RNF19A: variants seen among roughly 807,000 people sequenced by gnomAD.
RNF19A encodes ring finger protein 19A, RBR E3 ubiquitin protein ligase.
In RNF19A, 32 loss-of-function variants were observed where a neutral mutation model predicts 75.7. The ratio of observed to expected loss-of-function variants is 0.42; its 90% CI spans 0.32 to 0.57. The LOEUF is 0.57. Ranked by LOEUF, RNF19A falls within the 20% of genes least tolerant of loss-of-function variation. The probability of loss-of-function intolerance (pLI) is 0.10; values close to 1 mark genes in which losing one functional copy is unlikely to be tolerated. For missense variants in RNF19A, 782 were observed against 1,036.3 expected (o/e 0.75, Z 3.37); for synonymous variants, 335 against 345.2 (o/e 0.97, Z 0.33).
chr8:100,298,421 T>C (rs74385784), intron 1 of RNF19A, among the ~76,000 whole-genome samples: 4,292 of 152,280 alleles, frequency 0.028, 212 homozygotes, highest in African/African-American at 0.095. Flanking sequence ...TTCAACTACT[T>C]ATAAATGAGG....
intron 1 of RNF19A, among the ~76,000 whole-genome samples, chr8:100,335,925 A>G (rs1822676483): frequency 6.6e-6 from 1 of 152,250 alleles, no homozygotes; most frequent in Non-Finnish European, 1.5e-5. Flanking sequence ...GCTATCCTAT[A>G]GGTTGGCCGC....
At chr8:100,267,109 G>C (rs1486717513) in intron 5 of RNF19A, among the ~76,000 whole-genome samples, 2 of 152,112 alleles carry the variant, frequency 1.3e-5, no homozygotes, top group Admixed American at 1.3e-4. Flanking sequence ...CAACAGAATG[G>C]ATTGCTTCAT....
chr8:100,271,644 CAT>C lies in RNF19A; in HGVS notation c.884-1633_884-1632del, dbSNP rs376603364. Among the ~76,000 whole-genome samples the C allele has an allele frequency of 8.5e-5, 13 of 152,284 alleles. No individual in the cohort carries two copies. The East Asian group carries it at 2.5e-3, about 29-fold the overall frequency. On this transcript the variant is annotated intron_variant, in intron 3 of 9. Coordinates refer to ENST00000341084, the MANE Select transcript of RNF19A (RefSeq NM_183419.4). ...AGCCTTTTAATATGCTAAAATCACA[CAT>C]GAGAATTAATACCACAAGCAATGTA... is the stretch of plus-strand genomic sequence containing the variant.
rs1308352457 is a variant in RNF19A, at chr8:100,332,987, C to G, written c.-243+3121G>C. ...TTTTGCTTTGTCTTATTTACATTTG[C>G]CAAGAACATGACAACTTTGACTCTT... On this transcript the variant is annotated intron_variant, in intron 1 of 3. Coordinates refer to the RNF19A transcript ENST00000519527. This position sits in a 1 kb window ranked among gnomAD's most constrained non-coding sequence, Gnocchi z 4.8. 6.6e-6 allele frequency among the ~76,000 whole-genome samples: 1 copy of G among 151,916 alleles called. No homozygotes were observed. Among genetic ancestry groups the G allele is most frequent in the Non-Finnish European group, 1.5e-5 (1 of 67,986 alleles).
Position 100,332,081 on chromosome 8 carries a change from T to C in RNF19A, c.-243+4027A>G, listed in dbSNP as rs1477538372. ...ATTTGTAAGAATTATCTGGGTTATA[T>C]ATTATTTTACACATATTGTGAATTA... On this transcript the variant is annotated intron_variant, in intron 1 of 3. Transcript: ENST00000519527. This position sits in a 1 kb window ranked among gnomAD's most constrained non-coding sequence, Gnocchi z 4.8. 3.9e-5 allele frequency among the ~76,000 whole-genome samples: 6 copies of C among 152,224 alleles called. No individual in the cohort carries two copies. Among genetic ancestry groups the C allele is most frequent in the Non-Finnish European group, 8.8e-5 (6 of 68,042 alleles).
At chr8:100,320,049 T>C (rs567452963) in intron 1 of RNF19A, among the ~76,000 whole-genome samples, 5 of 151,764 alleles carry the variant, frequency 3.3e-5, no homozygotes, top group Admixed American at 6.6e-5. Context: ...TTGGCCAGGC[T>C]GGTCTCGAAC....
In RNF19A at chr8:100,330,116, G is replaced by A. The variant is rs1389628412; in HGVS notation, c.-243+5992C>T. Reference sequence around the variant, plus strand: ...TTAGAGTTCATAATTATTCTCTACCGACGTTTCCATCCAAACACCATCCCT... The same window carrying A: ...TTAGAGTTCATAATTATTCTCTACCAACGTTTCCATCCAAACACCATCCCT... On this transcript the variant is annotated intron_variant, in intron 1 of 3. Coordinates refer to the RNF19A transcript ENST00000519527. The surrounding 1 kb of genome is among the most constrained non-coding windows in gnomAD (Gnocchi z 4.1). 6.6e-6 allele frequency among the ~76,000 whole-genome samples: 1 copy of A among 151,984 alleles called. No homozygotes were observed. The highest frequency in any genetic ancestry group is 1.5e-5 in the Non-Finnish European group (1 of 68,004).
Position 100,275,000 on chromosome 8 carries a change from G to A in RNF19A, c.836C>T (p.Thr279Ile). ...QERAQSLRLR[T>I]IRSSSISYSQ... ...ATAACTAATGGATGAAGAACGTATA[G>A]TTCTCAAACGTAAGCTCTGGGCTCT... The change falls in exon 3 of 10, where the codon ACT becomes ATT. Residue 279 changes from threonine to isoleucine, a missense_variant. By Grantham distance (89) the Thr-to-Ile change is moderately conservative. Transcript: ENST00000341084. The A allele has an allele frequency of 6.2e-7, 1 of 1,614,164 alleles. No homozygotes were observed. Among genetic ancestry groups the A allele is most frequent in the African/African-American group, 1.3e-5 (1 of 75,042 alleles).
At chr8:100,277,018 C>T (rs1428976412) in intron 2 of RNF19A, among the ~76,000 whole-genome samples, 1 of 151,918 alleles carries the variant, frequency 6.6e-6, no homozygotes, top group African/African-American at 2.4e-5. Flanking sequence ...TTATTTCTTA[C>T]AACTGCATGT....
chr8:100,258,092 T>C lies in RNF19A; in HGVS notation c.*464A>G. ...AAATTTATGCCGATATAAATAGAAA[T>C]GTTACAGAGTATCATATACTGAGAG... On this transcript the variant is annotated 3_prime_UTR_variant, in exon 10 of 10. Transcript: ENST00000341084. This position sits in a 1 kb window ranked among gnomAD's most constrained non-coding sequence, Gnocchi z 4.3. 2 of 398,940 alleles carry C rather than the reference T, an allele frequency of 5.0e-6. No individual in the cohort carries two copies. The highest frequency in any genetic ancestry group is 8.8e-6 in the Non-Finnish European group (2 of 226,080). 24.7% of individuals were successfully genotyped at this position (398,940 alleles called of 1,614,324 possible). A position where few individuals can be genotyped will look rare whatever the true frequency, so the allele number is the denominator to read the frequency against.
chr8:100,310,065 G>C (rs982781535), upstream of RNF19A: 1 of 985,146 alleles, frequency 1.0e-6, no homozygotes, highest in Non-Finnish European at 1.2e-6. Context: ...GTTGTGGCTC[G>C]ACGGCTGCTC....
chr8:100,311,470 G>A (rs1005821429), upstream of RNF19A, among the ~76,000 whole-genome samples: 2 of 152,136 alleles, frequency 1.3e-5, no homozygotes, highest in Admixed American at 1.3e-4. Flanking sequence ...TGTAATCCTA[G>A]CACTTTGGGA....
At chr8:100,292,230 A>AATGGCTATG (rs1482292973) in intron 1 of RNF19A, among the ~76,000 whole-genome samples, 2 of 152,358 alleles carry the variant, frequency 1.3e-5, no homozygotes, top group East Asian at 3.9e-4. Context: ...ATTTAACTTT[A>AATGGCTATG]ATGGCTATGT....
Position 100,264,893 on chromosome 8 carries a change from T to C in RNF19A, c.1192-108A>G. On this transcript the variant is annotated intron_variant, in intron 5 of 9. Coordinates refer to ENST00000341084, the MANE Select transcript of RNF19A (RefSeq NM_183419.4). This position sits in a 1 kb window ranked among gnomAD's most constrained non-coding sequence, Gnocchi z 4.7. ...TAAAGTGATTTTTCATAGAAGTTCG[T>C]AGCTGAGTATCTTAGTTCAAGGTAA... 1 of 778,580 alleles carries C rather than the reference T, an allele frequency of 1.3e-6. No individual in the cohort carries two copies. Among genetic ancestry groups the C allele is most frequent in the African/African-American group, 1.7e-5 (1 of 57,662 alleles). 48.2% of individuals were successfully genotyped at this position (778,580 alleles called of 1,614,324 possible).
chr8:100,275,018 T>C lies in RNF19A; in HGVS notation c.818A>G (p.Gln273Arg), dbSNP rs1394917578. The change falls in exon 3 of 10, where the codon CAG (glutamine) becomes CGG (arginine). Residue 273 changes from glutamine (Q) to arginine (R), a missense_variant. Physicochemically the swap from Gln to Arg is conservative, Grantham distance 43. Around this residue, in one of 7 missense-constraint regions of RNF19A, gnomAD observed 34 missense variants for 25.2 expected, o/e 1.35. Coordinates refer to ENST00000341084, the MANE Select transcript of RNF19A (RefSeq NM_183419.4). The surrounding 1 kb of genome is among the most constrained non-coding windows in gnomAD (Gnocchi z 4.3). ...ACGTATAGTTCTCAAACGTAAGCTC[T>C]GGGCTCTCTCTTGTCGAGCAGCATC... The part of the protein sequence containing the change: ...TCDAARQERA[Q>R]SLRLRTIRSS... 2 of 1,614,206 alleles carry C rather than the reference T, an allele frequency of 1.2e-6. No homozygotes were observed. Among genetic ancestry groups the C allele is most frequent in the South Asian group, 1.1e-5 (1 of 91,092 alleles).
At chr8:100,281,737 TTAAA>T (rs1331437819) in intron 2 of RNF19A, among the ~76,000 whole-genome samples, 2 of 152,210 alleles carry the variant, frequency 1.3e-5, no homozygotes, top group African/African-American at 2.4e-5. Flanking sequence ...TAACATACCT[TTAAA>T]TAACTTTCTT....
intron 2 of RNF19A, among the ~76,000 whole-genome samples, chr8:100,279,432 G>A (rs899020907): frequency 6.6e-5 from 10 of 152,052 alleles, no homozygotes; most frequent in Non-Finnish European, 1.2e-4. Flanking sequence ...GGAGCACAGT[G>A]GTGCAATCTC....
intron 2 of RNF19A, among the ~76,000 whole-genome samples, chr8:100,282,791 A>C (rs966764116): frequency 2.0e-5 from 3 of 152,244 alleles, no homozygotes; most frequent in African/African-American, 7.2e-5. Flanking sequence ...CACAGACATT[A>C]ATTAGAATTC....
In RNF19A at chr8:100,317,056, C is replaced by T. The variant is rs368130176; in HGVS notation, c.-242-3684G>A. 6.6e-6 allele frequency among the ~76,000 whole-genome samples: 1 copy of T among 152,280 alleles called. No homozygotes were observed. The highest frequency in any genetic ancestry group is 1.9e-4 in the East Asian group (1 of 5,192). ...ATTGCCCGGGACCAGCAGCGCTGCC[C>T]GGCTACTCTGAGTGCGGGGCCTGCC... is the stretch of plus-strand genomic sequence containing the variant. On this transcript the variant is annotated intron_variant, in intron 1 of 3. Transcript: ENST00000519527. The surrounding 1 kb of genome is among the most constrained non-coding windows in gnomAD (Gnocchi z 4.3).
Sources: allele counts gnomAD v4.1 joint callset (sites outside exome capture counted in the v4.1 genomes callset), GRCh38; gene constraint gnomAD v4.1.1; regional missense constraint gnomAD v4.1.1; non-coding constraint Gnocchi (gnomAD v3.1); transcripts MANE v1.5; gene names NCBI Gene and HGNC (gene_info 2026-07-23, HGNC 2026-07-21).